KLHL26: variants seen among roughly 807,000 people sequenced by gnomAD.
KLHL26 encodes the protein kelch-like protein 26.
In KLHL26, 4 loss-of-function variants were observed where a neutral mutation model predicts 7.1. The ratio of observed to expected loss-of-function variants is 0.56; its 90% CI spans 0.28 to 1.28. The LOEUF is 1.28. KLHL26 is among the 50% of genes most tolerant of loss of function. KLHL26 has a pLI of 0.11. For missense variants in KLHL26, 896 were observed against 924.6 expected, an observed-to-expected ratio of 0.97 and a Z score of 0.40; for synonymous variants, 465 against 414.1, an observed-to-expected ratio of 1.12 and a Z score of -1.49.
At position 18,668,116 on chromosome 19, in the gene KLHL26, G is replaced by T. The variant is rs746579789; in HGVS notation, c.719G>T (p.Arg240Leu). ...AVRWLQHDPA[R>L]RPRASHVLCH... ...CGCTGGCTGCAGCATGACCCGGCCCGGCGGCCGCGCGCCAGCCACGTGCTC... is the reference window on the plus strand; with the variant it reads ...CGCTGGCTGCAGCATGACCCGGCCCTGCGGCCGCGCGCCAGCCACGTGCTC... Residue 240 changes from arginine to leucine, a missense_variant, in exon 3 of 3, where the codon CGG becomes CTG. Transcript: ENST00000300976. 2 of 1,601,344 alleles carry T rather than the reference G, an allele frequency of 1.2e-6. No individual in the cohort carries two copies. Among genetic ancestry groups the T allele is most frequent in the Non-Finnish European group, 1.7e-6 (2 of 1,178,426 alleles).
intron 1 of KLHL26, among the ~76,000 whole-genome samples, chr19:18,654,091 C>A (rs2052298583): frequency 7.1e-6 from 1 of 141,668 alleles, no homozygotes; most frequent in Admixed American, 7.0e-5. Flanking sequence ...ACCCTTTCAT[C>A]AGGCCACCCT....
At chr19:18,652,309 G>C (rs115611136) in intron 1 of KLHL26, among the ~76,000 whole-genome samples, 3,050 of 151,690 alleles carry the variant, frequency 0.02, 106 homozygotes, top group African/African-American at 0.071. Flanking sequence ...GCTCCAGCAG[G>C]CCAGGTGCGG....
At chr19:18,662,740 A>G (rs2052404274) in intron 1 of KLHL26, among the ~76,000 whole-genome samples, 1 of 152,066 alleles carries the variant, frequency 6.6e-6, no homozygotes, top group African/African-American at 2.4e-5. Flanking sequence ...TGAGCCTGCG[A>G]CATGCTCCTC....
rs1046893363 is a variant in KLHL26, at chr19:18,649,266, C to T, written c.83+12129C>T. On this transcript the variant is annotated intron_variant, in intron 1 of 2. Coordinates refer to ENST00000300976, the MANE Select transcript of KLHL26 (RefSeq NM_018316.3). The surrounding 1 kb of genome is among the most constrained non-coding windows in gnomAD (Gnocchi z 4.0). ...GATCTTTTTACAGTGGTGGTCCTGGCGCTGGCACAGCTACTGGCACGGGAT... is the reference window on the plus strand; with the variant it reads ...GATCTTTTTACAGTGGTGGTCCTGGTGCTGGCACAGCTACTGGCACGGGAT... Among the ~76,000 whole-genome samples the T allele has an allele frequency of 2.6e-5, 4 of 152,192 alleles. No homozygotes were observed. Among genetic ancestry groups the T allele is most frequent in the Non-Finnish European group, 5.9e-5 (4 of 68,044 alleles).
At chr19:18,652,251 AGGAGGTCTTGT>A (rs761820254) in intron 1 of KLHL26, among the ~76,000 whole-genome samples, 2 of 152,134 alleles carry the variant, frequency 1.3e-5, no homozygotes, top group Non-Finnish European at 2.9e-5. Context: ...GACTCGGGCC[AGGAGGTCTTGT>A]GGGGAGGAAC....
intron 1 of KLHL26, among the ~76,000 whole-genome samples, chr19:18,651,898 G>A (rs733715): frequency 1.3e-4 from 20 of 152,360 alleles, no homozygotes; most frequent in African/African-American, 4.8e-4. Context: ...GGACCAAGTC[G>A]GGGGATGGGC....
Position 18,668,572 on chromosome 19 carries a change from G to T in KLHL26, c.1175G>T (p.Arg392Leu). 2 of 1,591,718 alleles carry T rather than the reference G, an allele frequency of 1.3e-6. No homozygotes were observed. Among genetic ancestry groups the T allele is most frequent in the Non-Finnish European group, 1.7e-6 (2 of 1,173,820 alleles). Reference protein sequence around the residue: ...ACYRYDPHLNRWLRLQAMQES... With the variant: ...ACYRYDPHLNLWLRLQAMQES... ...TACCGCTACGACCCCCACCTGAATCGCTGGCTGCGCCTGCAGGCCATGCAG... is the reference window on the plus strand; with the variant it reads ...TACCGCTACGACCCCCACCTGAATCTCTGGCTGCGCCTGCAGGCCATGCAG... The change falls in exon 3 of 3, where the codon CGC becomes CTC. Residue 392 changes from arginine (R) to leucine (L), a missense_variant. By Grantham distance (102) the Arg-to-Leu change is moderately radical. Transcript: ENST00000300976.
At chr19:18,643,187 G>A (rs1356482835) in intron 1 of KLHL26, among the ~76,000 whole-genome samples, 2 of 148,746 alleles carry the variant, frequency 1.3e-5, no homozygotes, top group Non-Finnish European at 3.0e-5. Flanking sequence ...GCTCATGCCT[G>A]TAATCCTAGG....
At chr19:18,653,910 A>C (rs1600695752) in intron 1 of KLHL26, among the ~76,000 whole-genome samples, 1 of 65,324 alleles carries the variant, frequency 1.5e-5, no homozygotes, top group Non-Finnish European at 2.9e-5. Flanking sequence ...CCTTCCATCC[A>C]CTCACCATCC....
In KLHL26 at chr19:18,650,177, G is replaced by A. The variant is rs1390309544; in HGVS notation, c.83+13040G>A. On this transcript the variant is annotated intron_variant, in intron 1 of 2. Transcript: ENST00000300976. The surrounding 1 kb of genome is among the most constrained non-coding windows in gnomAD (Gnocchi z 4.2). Reference sequence around the variant, plus strand: ...ACTGTGAAATTCCACAGGGGTCAAAGACGGACCCGGGCGGGAGCGGTCTGG... The same window carrying A: ...ACTGTGAAATTCCACAGGGGTCAAAAACGGACCCGGGCGGGAGCGGTCTGG... Among the ~76,000 whole-genome samples, 1 of 152,112 alleles carries A rather than the reference G, an allele frequency of 6.6e-6. No individual in the cohort carries two copies. The highest frequency in any genetic ancestry group is 2.1e-4 in the South Asian group (1 of 4,828).
Position 18,648,912 on chromosome 19 carries a change from C to T in KLHL26, c.83+11775C>T, listed in dbSNP as rs1023474020. Among the ~76,000 whole-genome samples, 3 of 152,138 alleles carry T rather than the reference C, an allele frequency of 2.0e-5. No homozygotes were observed. Among genetic ancestry groups the T allele is most frequent in the Admixed American group, 1.3e-4 (2 of 15,272 alleles). ...GGGCATCATCCCCAACTCCAGCCAG[C>T]GGGACCCTCCTAAGGCAGGAATCAG... On this transcript the variant is annotated intron_variant, in intron 1 of 2. Coordinates refer to ENST00000300976, the MANE Select transcript of KLHL26 (RefSeq NM_018316.3). This position sits in a 1 kb window ranked among gnomAD's most constrained non-coding sequence, Gnocchi z 4.9.
At chr19:18,637,246 G>T in intron 1 of KLHL26, 109 bp downstream of exon 1, 1 of 1,127,090 alleles carries the variant, frequency 8.9e-7, no homozygotes, top group South Asian at 4.2e-5. Context: ...ACGGCTCGAG[G>T]GTCTTTCGCT....
At chr19:18,660,146 C>T (rs2052377688) in intron 1 of KLHL26, among the ~76,000 whole-genome samples, 1 of 152,206 alleles carries the variant, frequency 6.6e-6, no homozygotes, top group Non-Finnish European at 1.5e-5. Context: ...TAGCACATCC[C>T]TGCACTGGGA....
Position 18,669,406 on chromosome 19 carries a change from C to T in KLHL26, c.*161C>T. On this transcript the variant is annotated 3_prime_UTR_variant, in exon 3 of 3. Coordinates refer to ENST00000300976, the MANE Select transcript of KLHL26 (RefSeq NM_018316.3). ...CCCCCTCCCAGGGGTCCCTCCCTCC[C>T]TCCTTCCCAAAGCAGATCCTGGCTG... 2 of 612,268 alleles carry T rather than the reference C, an allele frequency of 3.3e-6. No individual in the cohort carries two copies. The highest frequency in any genetic ancestry group is 3.0e-5 in the Admixed American group (1 of 33,598). 37.9% of individuals were successfully genotyped at this position (612,268 alleles called of 1,614,324 possible). A position where few individuals can be genotyped will look rare whatever the true frequency, so the allele number is the denominator to read the frequency against.
At chr19:18,662,917 A>G (rs1475882356) in intron 1 of KLHL26, among the ~76,000 whole-genome samples, 1 of 151,962 alleles carries the variant, frequency 6.6e-6, no homozygotes, top group East Asian at 1.9e-4. Flanking sequence ...GGCCACGGGG[A>G]CAAGCCAGAG....
In KLHL26 at chr19:18,649,155, T is replaced by C. The variant is rs148289789; in HGVS notation, c.83+12018T>C. ...GCCACTGTGTCCACCGTGGCGCCACTGCTCGCCCTGTCGTCATGGTACATT... is the reference window on the plus strand; with the variant it reads ...GCCACTGTGTCCACCGTGGCGCCACCGCTCGCCCTGTCGTCATGGTACATT... On this transcript the variant is annotated intron_variant, in intron 1 of 2. Transcript: ENST00000300976. The surrounding 1 kb of genome is among the most constrained non-coding windows in gnomAD (Gnocchi z 4.0). Among the ~76,000 whole-genome samples, 223 of 152,332 alleles carry C rather than the reference T, an allele frequency of 1.5e-3. No individual in the cohort carries two copies. The highest frequency in any genetic ancestry group is 5.1e-3 in the African/African-American group (211 of 41,580).
Position 18,668,088 on chromosome 19 carries a change from G to A in KLHL26, c.691G>A (p.Val231Ile), listed in dbSNP as rs139947801. The A allele has an allele frequency of 2.7e-5, 44 of 1,605,064 alleles. No homozygotes were observed. The African/African-American group carries it at 4.9e-4, about 18-fold the overall frequency. The change falls in exon 3 of 3, where the codon GTC (valine) becomes ATC (isoleucine). Residue 231 changes from valine (V) to isoleucine (I), a missense_variant. Val to Ile is a conservative substitution (Grantham distance 29). Transcript: ENST00000300976. ...CGAGATCGACCTGTTCCGCGCGGCC[G>A]TCCGCTGGCTGCAGCATGACCCGGC... ...CAEIDLFRAA[V>I]RWLQHDPARR...
rs773921524 is a variant in KLHL26, at chr19:18,668,732, G to A, written c.1335G>A (p.Ser445=). The change falls in exon 3 of 3, where the codon TCG becomes TCA. Residue 445 remains serine (S), a synonymous_variant. Transcript: ENST00000300976. ...PRRNEWGYAC[S]LKRRTWGHAG... Reference sequence around the variant, plus strand: ...GCAATGAGTGGGGCTACGCCTGCTCGCTGAAGCGCCGTACCTGGGGCCATG... The same window carrying A: ...GCAATGAGTGGGGCTACGCCTGCTCACTGAAGCGCCGTACCTGGGGCCATG... 1.3e-6 allele frequency: 2 copies of A among 1,578,834 alleles called. No individual in the cohort carries two copies. Among genetic ancestry groups the A allele is most frequent in the South Asian group, 1.1e-5 (1 of 88,130 alleles).
Position 18,649,395 on chromosome 19 carries a change from C to T in KLHL26, c.83+12258C>T, listed in dbSNP as rs556711873. 5.3e-5 allele frequency among the ~76,000 whole-genome samples: 8 copies of T among 152,230 alleles called. No individual in the cohort carries two copies. The highest frequency in any genetic ancestry group is 1.4e-4 in the African/African-American group (6 of 41,532). On this transcript the variant is annotated intron_variant, in intron 1 of 2. Transcript: ENST00000300976. This position sits in a 1 kb window ranked among gnomAD's most constrained non-coding sequence, Gnocchi z 4.0. ...CATAGCTCTGCATGCCCAGGCTGGC[C>T]GAGGGTCATCCGCCTCTTCCTCTTC...
Sources: gnomAD v4.1 joint callset for allele counts (sites outside exome capture counted in the v4.1 genomes callset) on GRCh38, gnomAD v4.1.1 for gene constraint, Gnocchi (gnomAD v3.1) non-coding constraint, MANE v1.5 for transcripts, NCBI Gene and HGNC (gene_info 2026-07-23, HGNC 2026-07-21) for gene names.